MYO9B: variants seen among roughly 807,000 people sequenced by gnomAD.
MYO9B encodes the protein unconventional myosin-IXb.
Under a neutral mutation model 229.5 loss-of-function variants are expected in MYO9B, and 71 were observed. The ratio of observed to expected loss-of-function variants is 0.31; its 90% CI spans 0.26 to 0.38. MYO9B has a LOEUF of 0.38. MYO9B is among the 10% of genes least tolerant of loss of function. The pLI, the probability that MYO9B is intolerant of heterozygous loss-of-function variation, is 1.00. For synonymous variants in MYO9B, 1,185 were observed against 1,235.8 expected (o/e 0.96, Z 0.86); for missense variants, 2,255 against 2,920.5 (o/e 0.77, Z 5.25).
chr19:17,209,686 C>G lies in MYO9B; in HGVS notation c.5725C>G (p.Leu1909Val). 6.2e-7 allele frequency: 1 copy of G among 1,613,624 alleles called. No homozygotes were observed. Among genetic ancestry groups the G allele is most frequent in the Non-Finnish European group, 8.5e-7 (1 of 1,179,750 alleles). The change falls in exon 36 of 40, where the codon CTT (leucine) becomes GTT (valine). Residue 1909 changes from leucine to valine, a missense_variant. Physicochemically the swap from Leu to Val is conservative, Grantham distance 32 (BLOSUM62 1). Around this residue, in one of 7 missense-constraint regions of MYO9B, gnomAD observed 416 missense variants for 605.5 expected, o/e 0.69. Transcript: ENST00000682292. ...EAAESIAFRRLSLLRQNAPWP... is the reference protein window; with the variant it reads ...EAAESIAFRRVSLLRQNAPWP... Reference sequence around the variant, plus strand: ...TGCAGAGAGTATCGCCTTCCGCAGGCTTTCGCTCCTGCGACAAAATGCTGT... The same window carrying G: ...TGCAGAGAGTATCGCCTTCCGCAGGGTTTCGCTCCTGCGACAAAATGCTGT...
intron 20 of MYO9B, among the ~76,000 whole-genome samples, chr19:17,191,791 C>T (rs1568294705): frequency 6.6e-6 from 1 of 151,914 alleles, no homozygotes; most frequent in Non-Finnish European, 1.5e-5. Context: ...GCCTGGGAAA[C>T]ATAGCGAGAC....
rs1326187922 is a variant in MYO9B at position 17,212,021 on chromosome 19, C to T, written c.6185C>T (p.Thr2062Ile). Reference protein sequence around the residue: ...VTVRVKTPRRTPIMPTANIKL... With the variant: ...VTVRVKTPRRIPIMPTANIKL... ...GTCAGAGTGAAGACCCCCCGGCGGA[C>T]CCCCATCATGCCCACGGCCAACATC... The change falls in exon 40 of 40, where the codon ACC becomes ATC. Residue 2062 changes from threonine to isoleucine, a missense_variant. Thr to Ile is a moderately conservative substitution (Grantham distance 89, BLOSUM62 -1). Around this residue, in one of 7 missense-constraint regions of MYO9B, gnomAD observed 331 missense variants for 332.5 expected, o/e 1.00. Coordinates refer to ENST00000682292, the MANE Select transcript of MYO9B (RefSeq NM_004145.4). This position sits in a 1 kb window ranked among gnomAD's most constrained non-coding sequence, Gnocchi z 5.4. 5 of 1,608,970 alleles carry T rather than the reference C, an allele frequency of 3.1e-6. No homozygotes were observed. In the African/African-American group the frequency reaches 6.7e-5, roughly 22 times the overall value.
At chr19:17,092,049 G>A (rs192312918) in intron 1 of MYO9B, among the ~76,000 whole-genome samples, 37 of 152,326 alleles carry the variant, frequency 2.4e-4, no homozygotes, top group African/African-American at 7.5e-4. Flanking sequence ...AAGTGCAGCC[G>A]TCCATGTGGC....
chr19:17,120,967 G>C (rs1286943822), intron 2 of MYO9B, among the ~76,000 whole-genome samples: 1 of 152,178 alleles, frequency 6.6e-6, no homozygotes, highest in African/African-American at 2.4e-5. Context: ...TTTCAAGACA[G>C]AGTCTGGCTC....
chr19:17,096,694 TTGTTGTTGTTGG>T (rs1284294171), intron 1 of MYO9B, among the ~76,000 whole-genome samples: 59 of 112,106 alleles, frequency 5.3e-4, no homozygotes, highest in South Asian at 5.2e-3. Flanking sequence ...GTTGTTGTTG[TTGTTGTTGTTGG>T]TTTTTTTTTT....
At position 17,194,657 on chromosome 19, in the gene MYO9B, C is replaced by T. The variant is rs749040348; in HGVS notation, c.3230C>T (p.Ala1077Val). Residue 1077 changes from alanine (A) to valine (V), a missense_variant, in exon 22 of 40, where the codon GCG becomes GTG. Physicochemically the swap from Ala to Val is moderately conservative, Grantham distance 64. Transcript: ENST00000682292. The part of the protein sequence containing the change: ...AGAEEGGQGQ[A>V]AGGQQVAEQG... ...GCTGAGGAGGGCGGACAGGGTCAGG[C>T]GGCTGGAGGGCAGCAGGTAGCTGAG... The T allele has an allele frequency of 1.4e-5, 22 of 1,612,618 alleles. No homozygotes were observed. Among genetic ancestry groups the T allele is most frequent in the South Asian group, 1.1e-4 (10 of 91,054 alleles).
chr19:17,164,256 A>G (rs78584139), intron 10 of MYO9B, among the ~76,000 whole-genome samples: 4,743 of 152,306 alleles, frequency 0.031, 264 homozygotes, highest in African/African-American at 0.11. Context: ...AAATGTCAGG[A>G]ATGTTTTGAG....
At chr19:17,181,600 A>G (rs1599400168) in intron 15 of MYO9B, among the ~76,000 whole-genome samples, 1 of 152,180 alleles carries the variant, frequency 6.6e-6, no homozygotes, top group Non-Finnish European at 1.5e-5. Context: ...ATGCTGACCC[A>G]GCACCAGGCA....
At chr19:17,121,388 T>C (rs1228487672) in intron 2 of MYO9B, among the ~76,000 whole-genome samples, 1 of 151,838 alleles carries the variant, frequency 6.6e-6, no homozygotes, top group African/African-American at 2.4e-5. Context: ...ATTCAGACTT[T>C]CTTTCCCCAC....
At chr19:17,143,010 G>T (rs1478330010) in intron 2 of MYO9B, among the ~76,000 whole-genome samples, 1 of 152,070 alleles carries the variant, frequency 6.6e-6, no homozygotes, top group Admixed American at 6.6e-5. Flanking sequence ...AGGCCAAGGC[G>T]GGCAGATCAC....
chr19:17,172,533 A>T lies in MYO9B; in HGVS notation c.1935+56A>T. On this transcript the variant is annotated intron_variant, in intron 12 of 39. Transcript: ENST00000682292. This position sits in a 1 kb window ranked among gnomAD's most constrained non-coding sequence, Gnocchi z 8.2. ...GCCTGAGGGAAGCCACAGTCAGCCC[A>T]GAAGCCCATGTGGGAGGATCCTCCT... 1 of 1,599,442 alleles carries T rather than the reference A, an allele frequency of 6.3e-7. No homozygotes were observed.
chr19:17,210,375 G>T lies in MYO9B; in HGVS notation c.5791G>T (p.Val1931Phe). 2 of 1,596,266 alleles carry T rather than the reference G, an allele frequency of 1.3e-6. No homozygotes were observed. Among genetic ancestry groups the T allele is most frequent in the Non-Finnish European group, 1.7e-6 (2 of 1,171,248 alleles). The change falls in exon 37 of 40, where the codon GTC (valine) becomes TTC (phenylalanine). Residue 1931 changes from valine to phenylalanine, a missense_variant. Physicochemically the swap from Val to Phe is conservative, Grantham distance 50 (BLOSUM62 -1). Transcript: ENST00000682292. ...GGGGTTTTCGTCTCCCTATGAGGGG[G>T]TCCTGGTATGTACGCGTTCGGTGGG... Reference protein sequence around the residue: ...KLGFSSPYEGVLNKSPKTRDI... With the variant: ...KLGFSSPYEGFLNKSPKTRDI...
rs757012194 is a variant in MYO9B, at chr19:17,101,675, G to C, written c.-43G>C. 6.6e-7 allele frequency: 1 copy of C among 1,510,268 alleles called. No individual in the cohort carries two copies. Among genetic ancestry groups the C allele is most frequent in the South Asian group, 1.2e-5 (1 of 81,360 alleles). 93.6% of individuals were successfully genotyped at this position (1,510,268 alleles called of 1,614,324 possible). A position where few individuals can be genotyped will look rare whatever the true frequency, so the allele number is the denominator to read the frequency against. On this transcript the variant is annotated 5_prime_UTR_variant, in exon 2 of 40. Coordinates refer to ENST00000682292, the MANE Select transcript of MYO9B (RefSeq NM_004145.4). This position sits in a 1 kb window ranked among gnomAD's most constrained non-coding sequence, Gnocchi z 4.7. ...TCCCTTCTAGCTCCAGGACACGCGC[G>C]CCCCGAGCCTGGGAGGCATGCTGAA...
chr19:17,123,768 T>C (rs541931092), intron 2 of MYO9B, among the ~76,000 whole-genome samples: 8 of 152,030 alleles, frequency 5.3e-5, no homozygotes, highest in Non-Finnish European at 7.4e-5. Context: ...GTTGAGTAGA[T>C]AGAAAATAGG....
At chr19:17,122,061 G>C (rs552129911) in intron 2 of MYO9B, among the ~76,000 whole-genome samples, 4 of 151,956 alleles carry the variant, frequency 2.6e-5, no homozygotes, top group Non-Finnish European at 5.9e-5. Flanking sequence ...GGAAGCAAAC[G>C]TCATCTCAAG....
chr19:17,139,643 C>T (rs184951901), intron 2 of MYO9B, among the ~76,000 whole-genome samples: 4 of 151,626 alleles, frequency 2.6e-5, no homozygotes, highest in East Asian at 2.0e-4. Context: ...GAGCTTGAGG[C>T]GGGAGGATCA....
chr19:17,134,445 G>A (rs2072244641), intron 2 of MYO9B, among the ~76,000 whole-genome samples: 1 of 127,538 alleles, frequency 7.8e-6, no homozygotes, highest in Non-Finnish European at 1.6e-5. Flanking sequence ...AGGCCAGAGT[G>A]CAGTGGTGCG....
At position 17,175,665 on chromosome 19, in the gene MYO9B, A is replaced by G. The variant is rs769111923; in HGVS notation, c.2143A>G (p.Met715Val). The change falls in exon 14 of 40, where the codon ATG becomes GTG. Residue 715 changes from methionine (M) to valine (V), a missense_variant and splice_region_variant. By Grantham distance (21) the Met-to-Val change is conservative. This residue lies in a region of MYO9B where 155 missense variants were observed against 159.1 expected (regional missense o/e 0.97). Coordinates refer to ENST00000682292, the MANE Select transcript of MYO9B (RefSeq NM_004145.4). ...RAERAEKAAGMSSPGAQSHPE... is the reference protein window; with the variant it reads ...RAERAEKAAGVSSPGAQSHPE... Reference sequence around the variant, plus strand: ...CATCCACTCTGTGTCTCCGGCAGGTATGAGCAGCCCTGGTGCCCAAAGTCA... The same window carrying G: ...CATCCACTCTGTGTCTCCGGCAGGTGTGAGCAGCCCTGGTGCCCAAAGTCA... 2 of 1,572,060 alleles carry G rather than the reference A, an allele frequency of 1.3e-6. No individual in the cohort carries two copies. Among genetic ancestry groups the G allele is most frequent in the East Asian group, 2.4e-5 (1 of 42,526 alleles).
chr19:17,212,351 C>T lies in MYO9B; in HGVS notation c.*41C>T, dbSNP rs763564034. The T allele has an allele frequency of 2.8e-6, 4 of 1,430,418 alleles. No homozygotes were observed. The highest frequency in any genetic ancestry group is 3.6e-6 in the Non-Finnish European group (4 of 1,097,532). 88.6% of individuals were successfully genotyped at this position (1,430,418 alleles called of 1,614,324 possible). On this transcript the variant is annotated 3_prime_UTR_variant, in exon 40 of 40. Transcript: ENST00000682292. The surrounding 1 kb of genome is among the most constrained non-coding windows in gnomAD (Gnocchi z 5.4). ...AAGTCTGCATGTCCGAGGACGGCCC[C>T]TGCACTGGAGCTGGGCGCCAGAGCT...
Sources: gnomAD v4.1 joint callset for allele counts (sites outside exome capture counted in the v4.1 genomes callset) on GRCh38, gnomAD v4.1.1 for gene constraint, gnomAD v4.1.1 regional missense constraint, Gnocchi (gnomAD v3.1) non-coding constraint, MANE v1.5 for transcripts, NCBI Gene and HGNC (gene_info 2026-07-23, HGNC 2026-07-21) for gene names.